The following IMMP2L variants were observed in gnomAD, a reference collection of about 807,000 sequenced individuals.
IMMP2L encodes the protein mitochondrial inner membrane protease subunit 2.
IMMP2L carries 18 observed loss-of-function variants against 19.3 expected under a neutral mutation model. The observed-to-expected ratio is 0.93, with a 90% confidence interval of 0.64 to 1.38. IMMP2L has a LOEUF of 1.38. Ranked by LOEUF, IMMP2L falls within the 40% of genes most tolerant of loss-of-function variation. The pLI is 0.00. For missense variants in IMMP2L, 233 were observed against 218.2 expected, an observed-to-expected ratio of 1.07 and a Z score of -0.43; for synonymous variants, 76 against 73.0, an observed-to-expected ratio of 1.04 and a Z score of -0.21.
chr7:110,973,109 G>A (rs1474249603), intron 3 of IMMP2L, among the ~76,000 whole-genome samples: 2 of 151,938 alleles, frequency 1.3e-5, no homozygotes, highest in Admixed American at 6.6e-5. Flanking sequence ...GTACAGTGTG[G>A]TGACTCTAGT....
rs1212151765 is a variant in IMMP2L at position 110,928,215 on chromosome 7, A to G, written c.305+35285T>C. ...TGAAGATAAAAGCAAAAATACATTT[A>G]ATTAATTTGATATTTTCTAAAAATA... On this transcript the variant is annotated intron_variant, in intron 4 of 5. Transcript: ENST00000405709. Among the ~76,000 whole-genome samples, 3 of 151,998 alleles carry G rather than the reference A, an allele frequency of 2.0e-5. 1 individual carries two copies. Among genetic ancestry groups the G allele is most frequent in the Admixed American group, 2.0e-4 (3 of 15,238 alleles).
chr7:110,706,917 C>T (rs1447659510), intron 5 of IMMP2L, among the ~76,000 whole-genome samples: 1 of 151,422 alleles, frequency 6.6e-6, no homozygotes, highest in Non-Finnish European at 1.5e-5. Context: ...AAATTCTTTC[C>T]CAAGGTTGAT....
At position 111,452,357 on chromosome 7, in the gene IMMP2L, T is replaced by C. The variant is rs148470226; in HGVS notation, c.239+34881A>G. ...TTACACTGGTCTTTTGAAAAGTAGA[T>C]AAAACTTAGAATTCCCTAAGCAAAC... On this transcript the variant is annotated intron_variant, in intron 3 of 5. Coordinates refer to ENST00000405709, the MANE Select transcript of IMMP2L (RefSeq NM_032549.4). 2.6e-5 allele frequency among the ~76,000 whole-genome samples: 4 copies of C among 152,236 alleles called. No homozygotes were observed. The East Asian group carries it at 7.7e-4, about 29-fold the overall frequency.
chr7:110,869,799 G>C (rs757308829), intron 5 of IMMP2L, among the ~76,000 whole-genome samples: 1 of 152,080 alleles, frequency 6.6e-6, no homozygotes, highest in African/African-American at 2.4e-5. Context: ...TAGATACTCA[G>C]AATGGGATGA....
intron 3 of IMMP2L, among the ~76,000 whole-genome samples, chr7:111,362,082 T>TA (rs1829311917): frequency 6.6e-6 from 1 of 152,042 alleles, no homozygotes; most frequent in East Asian, 1.9e-4. Flanking sequence ...ACCAGTCTTT[T>TA]AAGAGTACCA....
intron 3 of IMMP2L, among the ~76,000 whole-genome samples, chr7:111,467,276 T>C (rs1840764079): frequency 6.6e-6 from 1 of 152,160 alleles, no homozygotes; most frequent in South Asian, 2.1e-4. Context: ...AAAGATTAAA[T>C]GAGGTAATAT....
In IMMP2L at chr7:110,947,012, G is replaced by A. The variant is rs146953413; in HGVS notation, c.305+16488C>T. Among the ~76,000 whole-genome samples the A allele has an allele frequency of 5.3e-5, 8 of 152,114 alleles. No individual in the cohort carries two copies. The East Asian group carries it at 5.8e-4, about 11-fold the overall frequency. On this transcript the variant is annotated intron_variant, in intron 4 of 5. Coordinates refer to ENST00000405709, the MANE Select transcript of IMMP2L (RefSeq NM_032549.4). ...TGGGATTACAGGCGTGAGCCACCGC[G>A]CCTGGCCTAATACCATTTTTTAAAA...
intron 3 of IMMP2L, among the ~76,000 whole-genome samples, chr7:111,048,267 A>T (rs1377184902): frequency 6.8e-6 from 1 of 147,890 alleles, no homozygotes; most frequent in African/African-American, 2.6e-5. Flanking sequence ...AAAAAAAAAG[A>T]AAAAAAGAAA....
Position 111,392,820 on chromosome 7 carries a change from A to G in IMMP2L, c.239+94418T>C, listed in dbSNP as rs551455436. ...TACTTACCATTACTGGTGCATTAAA[A>G]GTACCACAAATGAAGAGCCAGATGA... On this transcript the variant is annotated intron_variant, in intron 3 of 5. Transcript: ENST00000405709. 107 of 456,652 alleles carry G rather than the reference A, an allele frequency of 2.3e-4. 1 individual carries two copies. Among genetic ancestry groups the G allele is most frequent in the Non-Finnish European group, 1.8e-5 (4 of 226,936 alleles). The allele number at this position is 456,652 out of a possible 1,614,324, so 28.3% of individuals were successfully genotyped here.
chr7:110,666,225 C>T (rs1791441366), intron 5 of IMMP2L, among the ~76,000 whole-genome samples: 3 of 152,036 alleles, frequency 2.0e-5, no homozygotes, highest in Non-Finnish European at 2.9e-5. Context: ...AATACCTGCT[C>T]CCCCTGAGAT....
chr7:110,834,286 A>G (rs1804231948), intron 5 of IMMP2L, among the ~76,000 whole-genome samples: 1 of 152,148 alleles, frequency 6.6e-6, no homozygotes, highest in African/African-American at 2.4e-5. Context: ...ATACCAGCAC[A>G]GCAGCCTGTC....
intron 5 of IMMP2L, among the ~76,000 whole-genome samples, chr7:110,820,598 A>G (rs757971692): frequency 8.6e-5 from 13 of 151,960 alleles, no homozygotes; most frequent in Admixed American, 3.9e-4. Flanking sequence ...ACTCACCCAT[A>G]ACAGTTCATG....
Position 111,073,090 on chromosome 7 carries a change from A to C in IMMP2L, c.240-109525T>G, listed in dbSNP as rs764035426. On this transcript the variant is annotated intron_variant, in intron 3 of 5. Transcript: ENST00000405709. ...TGATGTTAAATATACTGAATTTGAT[A>C]ATTGTACTGTGGTTATGTAAGAGAA... Among the ~76,000 whole-genome samples, 8 of 152,274 alleles carry C rather than the reference A, an allele frequency of 5.3e-5. No homozygotes were observed. In the South Asian group the frequency reaches 1.5e-3, roughly 28 times the overall value.
intron 5 of IMMP2L, among the ~76,000 whole-genome samples, chr7:110,756,657 T>C (rs1381169315): frequency 6.6e-6 from 1 of 152,140 alleles, no homozygotes; most frequent in Admixed American, 6.6e-5. Context: ...CTTACAAAAC[T>C]TTAAAATTAT....
chr7:111,118,403 A>C (rs1800150571), intron 3 of IMMP2L, among the ~76,000 whole-genome samples: 1 of 152,114 alleles, frequency 6.6e-6, no homozygotes. Context: ...TTTTCACATA[A>C]AGAAATCTCA....
chr7:110,977,193 G>A (rs1176958779), intron 3 of IMMP2L, among the ~76,000 whole-genome samples: 1 of 151,986 alleles, frequency 6.6e-6, no homozygotes, highest in Admixed American at 6.6e-5. Context: ...CAGGTACTCT[G>A]TATGGTACTA....
At chr7:111,046,463 A>G (rs1004617172) in intron 3 of IMMP2L, among the ~76,000 whole-genome samples, 2 of 152,152 alleles carry the variant, frequency 1.3e-5, no homozygotes, top group Admixed American at 1.3e-4. Flanking sequence ...CTGAATAAAG[A>G]TATATAGAAA....
intron 3 of IMMP2L, among the ~76,000 whole-genome samples, chr7:111,141,390 T>G (rs1802869609): frequency 6.6e-6 from 1 of 152,102 alleles, no homozygotes; most frequent in African/African-American, 2.4e-5. Flanking sequence ...TATACATTAT[T>G]ATAAATTATT....
At chr7:111,392,480 C>G (rs186498650) in intron 3 of IMMP2L, among the ~76,000 whole-genome samples, 28 of 152,268 alleles carry the variant, frequency 1.8e-4, no homozygotes, top group African/African-American at 5.8e-4. Flanking sequence ...TTTTCCTGGC[C>G]TTTAACTCAA....
Sources: allele counts gnomAD v4.1 joint callset (sites outside exome capture counted in the v4.1 genomes callset), GRCh38; gene constraint gnomAD v4.1.1; transcripts MANE v1.5; gene names NCBI Gene and HGNC (gene_info 2026-07-23, HGNC 2026-07-21).